The following KIAA0513 variants were observed in gnomAD, a reference collection of about 807,000 sequenced individuals.
KIAA0513 encodes KIAA0513, also known as uncharacterized protein KIAA0513.
In KIAA0513, 39 loss-of-function variants were observed where a neutral mutation model predicts 56.5. The observed-to-expected ratio is 0.69, with a 90% CI of 0.53 to 0.90. KIAA0513 has a LOEUF of 0.90. KIAA0513 is among the 40% of genes least tolerant of loss of function. The pLI, the probability that KIAA0513 is intolerant of heterozygous loss-of-function variation, is 0.00. For synonymous variants in KIAA0513, 268 were observed against 215.6 expected, an observed-to-expected ratio of 1.24 and a Z score of -2.13; for missense variants, 591 against 535.2, an observed-to-expected ratio of 1.10 and a Z score of -1.03.
chr16:85,044,608 G>A (rs1490907033), intron 1 of KIAA0513, among the ~76,000 whole-genome samples: 1 of 151,682 alleles, frequency 6.6e-6, no homozygotes. Flanking sequence ...CCAGGCTCAA[G>A]CGGTTCTTCT....
intron 1 of KIAA0513, among the ~76,000 whole-genome samples, chr16:85,042,176 G>A (rs1017539447): frequency 3.9e-5 from 6 of 152,142 alleles, no homozygotes; most frequent in Admixed American, 3.3e-4. Context: ...TAACTTTTGC[G>A]AAAGCCCAGC....
At position 85,089,021 on chromosome 16, in the gene KIAA0513, GTCTC is replaced by G. The variant is rs1274092893; in HGVS notation, c.*697_*700del. ...CCTGCAGACGGCCCGGGAGCTGTGT[GTCTC>G]CGCCAGAGTCACAGCAGTGCCGAGG... On this transcript the variant is annotated 3_prime_UTR_variant, in exon 13 of 13. Transcript: ENST00000683363. The surrounding 1 kb of genome is among the most constrained non-coding windows in gnomAD (Gnocchi z 4.2). 6.6e-6 allele frequency: 1 copy of G among 152,330 alleles called. No individual in the cohort carries two copies. The highest frequency in any genetic ancestry group is 1.5e-5 in the Non-Finnish European group (1 of 68,128). The allele number at this position is 152,330 out of a possible 1,614,324, so 9.4% of individuals were successfully genotyped here. A position where few individuals can be genotyped will look rare whatever the true frequency, so the allele number is the denominator to read the frequency against.
intron 1 of KIAA0513, among the ~76,000 whole-genome samples, chr16:85,034,370 A>G (rs1217028531): frequency 1.3e-5 from 2 of 152,144 alleles, no homozygotes; most frequent in African/African-American, 4.8e-5. Flanking sequence ...ACAAGAGGGA[A>G]GCTCCATCTC....
intron 1 of KIAA0513, among the ~76,000 whole-genome samples, chr16:85,059,104 G>C (rs2073368754): frequency 6.6e-6 from 1 of 152,226 alleles, no homozygotes; most frequent in South Asian, 2.1e-4. Context: ...GACATGGACT[G>C]TTGGACCAAC....
At chr16:85,042,117 C>G (rs1344572947) in intron 1 of KIAA0513, among the ~76,000 whole-genome samples, 1 of 152,156 alleles carries the variant, frequency 6.6e-6, no homozygotes, top group Non-Finnish European at 1.5e-5. Flanking sequence ...ATCCTTTATT[C>G]TCTTATAATT....
intron 1 of KIAA0513, among the ~76,000 whole-genome samples, chr16:85,065,032 G>A (rs1005735688): frequency 6.6e-6 from 1 of 152,242 alleles, no homozygotes; most frequent in African/African-American, 2.4e-5. Context: ...AGTGGTTTGT[G>A]TAGCTGTTAG....
At chr16:85,079,307 A>C (rs2073707444) in intron 8 of KIAA0513, 1 of 387,764 alleles carries the variant, frequency 2.6e-6, no homozygotes, top group Non-Finnish European at 4.6e-6. Flanking sequence ...GGAGTCGCCC[A>C]AGAGAAAAAC....
chr16:85,051,961 A>C (rs1037428246), intron 1 of KIAA0513, among the ~76,000 whole-genome samples: 1 of 151,074 alleles, frequency 6.6e-6, no homozygotes, highest in Non-Finnish European at 1.5e-5. Flanking sequence ...GCCTCCTTTC[A>C]TGATTTTTTA....
At chr16:85,049,609 C>T (rs2073220432) in intron 1 of KIAA0513, among the ~76,000 whole-genome samples, 1 of 152,204 alleles carries the variant, frequency 6.6e-6, no homozygotes, top group African/African-American at 2.4e-5. Context: ...CATTCTCTCT[C>T]TTGCTCCAGC....
At chr16:85,042,664 T>C (rs2073119421) in intron 1 of KIAA0513, among the ~76,000 whole-genome samples, 1 of 152,096 alleles carries the variant, frequency 6.6e-6, no homozygotes, top group Admixed American at 6.6e-5. Context: ...ACAATAAAGG[T>C]GAGTTGTAGT....
rs1338048461 is a variant in KIAA0513 at position 85,088,417 on chromosome 16, T to C, written c.*92T>C. The C allele has an allele frequency of 4.4e-6, 5 of 1,127,174 alleles. No individual in the cohort carries two copies. Among genetic ancestry groups the C allele is most frequent in the Non-Finnish European group, 6.6e-6 (5 of 758,310 alleles). The allele number at this position is 1,127,174 out of a possible 1,614,324, so 69.8% of individuals were successfully genotyped here. On this transcript the variant is annotated 3_prime_UTR_variant, in exon 13 of 13. Transcript: ENST00000683363. ...CCGTCACCCCACCCGATGACCTGCA[T>C]GAAGCCAGCAGCACCCAGAGCCACT...
chr16:85,057,483 A>C (rs1246433182), intron 1 of KIAA0513, among the ~76,000 whole-genome samples: 1 of 152,198 alleles, frequency 6.6e-6, no homozygotes, highest in Non-Finnish European at 1.5e-5. Context: ...GGAGCAGTTC[A>C]GATGCAGCCC....
intron 10 of KIAA0513, among the ~76,000 whole-genome samples, chr16:85,084,665 G>T (rs976041528): frequency 6.6e-6 from 1 of 152,166 alleles, no homozygotes; most frequent in Admixed American, 6.5e-5. Context: ...CTGACCTCAG[G>T]TGGTCCACCT....
chr16:85,043,957 G>T (rs1199068823), intron 1 of KIAA0513, among the ~76,000 whole-genome samples: 1 of 152,164 alleles, frequency 6.6e-6, no homozygotes, highest in African/African-American at 2.4e-5. Context: ...TTGAACCCGG[G>T]AAGCGGAGGT....
At chr16:85,054,421 CTT>C (rs398042273) in intron 1 of KIAA0513, among the ~76,000 whole-genome samples, 107 of 119,500 alleles carry the variant, frequency 9.0e-4, no homozygotes, top group African/African-American at 1.5e-3. Context: ...TTTTTCTTTT[CTT>C]TTTTTTTTTT....
intron 1 of KIAA0513, among the ~76,000 whole-genome samples, chr16:85,060,965 C>A (rs2073396270): frequency 6.6e-6 from 1 of 151,912 alleles, no homozygotes; most frequent in Admixed American, 6.6e-5. Flanking sequence ...ACCAACCTGG[C>A]CAACATGGTG....
intron 1 of KIAA0513, among the ~76,000 whole-genome samples, chr16:85,033,568 G>A (rs1193400293): frequency 2.6e-5 from 4 of 152,042 alleles, no homozygotes; most frequent in Non-Finnish European, 4.4e-5. Context: ...GGCTGTTCAC[G>A]AAGGCCTCCA....
intron 1 of KIAA0513, among the ~76,000 whole-genome samples, chr16:85,036,468 G>A (rs1008409802): frequency 1.3e-5 from 2 of 152,130 alleles, no homozygotes; most frequent in Non-Finnish European, 2.9e-5. Flanking sequence ...TTAGTTCATT[G>A]CTATTGTAGC....
chr16:85,035,718 C>A (rs1430401783), intron 1 of KIAA0513, among the ~76,000 whole-genome samples: 1 of 152,056 alleles, frequency 6.6e-6, no homozygotes, highest in African/African-American at 2.4e-5. Context: ...GTGGCTCACG[C>A]CTGTAATGCC....
Sources: gnomAD v4.1 joint callset for allele counts (sites outside exome capture counted in the v4.1 genomes callset) on GRCh38, gnomAD v4.1.1 for gene constraint, Gnocchi (gnomAD v3.1) non-coding constraint, MANE v1.5 for transcripts, NCBI Gene and HGNC (gene_info 2026-07-23, HGNC 2026-07-21) for gene names.